Variants in GSK3B observed in about 807,000 individuals in gnomAD.
GSK3B encodes glycogen synthase kinase-3 beta.
A neutral mutation model predicts 56.4 loss-of-function variants in GSK3B; 15 were observed. That is an observed-to-expected ratio of 0.27 (90% confidence interval 0.18 to 0.41). The LOEUF (loss-of-function observed/expected upper bound fraction) is 0.41. Among genes scored for constraint, GSK3B ranks in the 10% least tolerant of loss-of-function variants. The pLI, the probability that GSK3B is intolerant of heterozygous loss-of-function variation, is 1.00. For missense variants in GSK3B, 300 were observed against 513.4 expected, an observed-to-expected ratio of 0.58 and a Z score of 4.02; for synonymous variants, 181 against 188.9, an observed-to-expected ratio of 0.96 and a Z score of 0.34.
At chr3:119,828,150 C>G (rs977483348) in intron 10 of GSK3B, among the ~76,000 whole-genome samples, 1 of 152,162 alleles carries the variant, frequency 6.6e-6, no homozygotes, top group Admixed American at 6.5e-5. Flanking sequence ...GTAGTCAAAT[C>G]TTGACGTAGA....
At chr3:120,022,423 T>C (rs1559880131) in intron 1 of GSK3B, among the ~76,000 whole-genome samples, 2 of 152,326 alleles carry the variant, frequency 1.3e-5, no homozygotes, top group East Asian at 3.9e-4. Context: ...CCCACAATAT[T>C]GTCAAGGTAT....
intron 9 of GSK3B, among the ~76,000 whole-genome samples, chr3:119,845,854 AAGAC>A (rs1233799986): frequency 6.6e-6 from 1 of 152,216 alleles, no homozygotes; most frequent in African/African-American, 2.4e-5. Flanking sequence ...CCGTATAGCC[AAGAC>A]AATCCTAAGC....
At chr3:120,092,150 G>C (rs1473925647) in intron 1 of GSK3B, among the ~76,000 whole-genome samples, 1 of 152,136 alleles carries the variant, frequency 6.6e-6, no homozygotes, top group Non-Finnish European at 1.5e-5. Flanking sequence ...GTTTAAACAA[G>C]CTATCATTAA....
chr3:120,085,887 T>C (rs180706841), intron 1 of GSK3B, among the ~76,000 whole-genome samples: 3 of 152,136 alleles, frequency 2.0e-5, no homozygotes, highest in Admixed American at 2.0e-4. Flanking sequence ...TACCTTTCCT[T>C]GGAAAAAAAC....
chr3:119,923,209 C>CATTTTAAAACTGTAAAAGGATTTA (rs1338501426), intron 4 of GSK3B, among the ~76,000 whole-genome samples, 164 bp downstream of exon 4: 1 of 152,138 alleles, frequency 6.6e-6, no homozygotes, highest in Non-Finnish European at 1.5e-5. Context: ...GCACAATTCA[C>CATTTTAAAACTGTAAAAGGATTTA]ATTTTAAAAC....
chr3:119,876,916 C>G (rs950522922), intron 7 of GSK3B, among the ~76,000 whole-genome samples: 1 of 152,144 alleles, frequency 6.6e-6, no homozygotes, highest in Non-Finnish European at 1.5e-5. Flanking sequence ...GATGTGGGCC[C>G]TTTGACATTG....
intron 8 of GSK3B, among the ~76,000 whole-genome samples, chr3:119,864,137 T>G (rs1577323867): frequency 6.6e-6 from 1 of 152,314 alleles, no homozygotes; most frequent in East Asian, 1.9e-4. Flanking sequence ...TTGAAGAAAT[T>G]CTTGAATACC....
At position 119,948,282 on chromosome 3, in the gene GSK3B, CAAG is replaced by C. The variant is rs1253053665; in HGVS notation, c.283-934_283-932del. Among the ~76,000 whole-genome samples, 5 of 152,006 alleles carry C rather than the reference CAAG, an allele frequency of 3.3e-5. No homozygotes were observed. The East Asian group carries it at 5.8e-4, about 18-fold the overall frequency. ...ATGGTGTTACGGTCAGAAAAGAGGC[CAAG>C]AAGGATGGGGATGAGGATGCGTTGG... On this transcript the variant is annotated intron_variant, in intron 2 of 10. Coordinates refer to ENST00000264235, the MANE Select transcript of GSK3B (RefSeq NM_001146156.2).
chr3:119,988,922 G>A (rs760500691), intron 2 of GSK3B, among the ~76,000 whole-genome samples: 22 of 152,234 alleles, frequency 1.4e-4, no homozygotes, highest in Non-Finnish European at 2.8e-4. Flanking sequence ...ACTGGAAAAA[G>A]AAAATTATAT....
chr3:120,086,818 T>G (rs1312575307), intron 1 of GSK3B, among the ~76,000 whole-genome samples: 4 of 152,022 alleles, frequency 2.6e-5, no homozygotes, highest in Non-Finnish European at 5.9e-5. Flanking sequence ...AAAAAAAAAT[T>G]TCTCTGGGTG....
At chr3:120,057,690 T>C (rs182996751) in intron 1 of GSK3B, among the ~76,000 whole-genome samples, 1 of 152,230 alleles carries the variant, frequency 6.6e-6, no homozygotes, top group Non-Finnish European at 1.5e-5. Flanking sequence ...AGAACTAGGA[T>C]GTGCCTAGAA....
At chr3:119,856,443 A>G (rs1000051976) in intron 9 of GSK3B, among the ~76,000 whole-genome samples, 3 of 152,248 alleles carry the variant, frequency 2.0e-5, no homozygotes, top group South Asian at 4.1e-4. Context: ...TTTCCCCAGT[A>G]GAGTACATCC....
At chr3:120,053,059 C>T (rs1170180043) in intron 1 of GSK3B, among the ~76,000 whole-genome samples, 4 of 152,212 alleles carry the variant, frequency 2.6e-5, no homozygotes, top group South Asian at 2.1e-4. Flanking sequence ...AACTATAGGC[C>T]GGGCATGGTG....
chr3:119,936,777 G>C (rs925205370), intron 3 of GSK3B, among the ~76,000 whole-genome samples: 1 of 151,928 alleles, frequency 6.6e-6, no homozygotes, highest in Admixed American at 6.6e-5. Flanking sequence ...GGAGAAATGG[G>C]CAGCTGTACA....
chr3:119,941,036 A>G (rs1277309294), intron 3 of GSK3B, among the ~76,000 whole-genome samples: 2 of 131,922 alleles, frequency 1.5e-5, no homozygotes, highest in East Asian at 4.2e-4. Context: ...TTTTTTTGAG[A>G]TGGAGCTTCG....
chr3:120,065,698 T>C (rs9822126), intron 1 of GSK3B, among the ~76,000 whole-genome samples: 15 of 152,074 alleles, frequency 9.9e-5, no homozygotes, highest in African/African-American at 3.6e-4. Flanking sequence ...CCAAAAGCCA[T>C]AAAAAATGAA....
At chr3:119,840,817 T>C (rs1319931824) in intron 10 of GSK3B, among the ~76,000 whole-genome samples, 3 of 152,352 alleles carry the variant, frequency 2.0e-5, no homozygotes, top group Admixed American at 6.5e-5. Flanking sequence ...AGAATGATGA[T>C]GTTAAGTTCA....
chr3:120,033,493 A>C (rs2057995403), intron 1 of GSK3B, among the ~76,000 whole-genome samples: 1 of 152,150 alleles, frequency 6.6e-6, no homozygotes, highest in African/African-American at 2.4e-5. Context: ...TTATAATCTG[A>C]CTTTTTTATT....
intron 2 of GSK3B, among the ~76,000 whole-genome samples, chr3:119,951,493 C>T (rs142311687): frequency 7.6e-4 from 115 of 152,260 alleles, no homozygotes; most frequent in Middle Eastern, 3.4e-3. Context: ...ACTGCTTGAA[C>T]CCAGGAGGTG....
Sources: allele counts gnomAD v4.1 joint callset (sites outside exome capture counted in the v4.1 genomes callset), GRCh38; gene constraint gnomAD v4.1.1; transcripts MANE v1.5; gene names NCBI Gene and HGNC (gene_info 2026-07-23, HGNC 2026-07-21).